The following KBTBD3 variants were observed in gnomAD, a reference collection of about 807,000 sequenced individuals.
KBTBD3 encodes the protein kelch repeat and BTB domain containing 3.
Under a neutral mutation model 49.6 loss-of-function variants are expected in KBTBD3, and 38 were observed. The ratio of observed to expected loss-of-function variants is 0.77; its 90% CI spans 0.59 to 1.00. The LOEUF is 1.00. Ranked by LOEUF, KBTBD3 falls within the 50% of genes least tolerant of loss-of-function variation. KBTBD3 has a pLI of 0.00. For missense variants in KBTBD3, 661 were observed against 712.0 expected, an observed-to-expected ratio of 0.93 and a Z score of 0.81; for synonymous variants, 214 against 250.4, an observed-to-expected ratio of 0.85 and a Z score of 1.37.
chr11:106,051,336 A>G lies in KBTBD3; in HGVS notation c.*1514T>C, dbSNP rs1048260156. ...TAAGAAGGCCACCAATAAATACGTCATCTAATCAGGAACAGTCCTTGATTT... is the reference window on the plus strand; with the variant it reads ...TAAGAAGGCCACCAATAAATACGTCGTCTAATCAGGAACAGTCCTTGATTT... On this transcript the variant is annotated 3_prime_UTR_variant, in exon 4 of 4. Coordinates refer to ENST00000531837, the MANE Select transcript of KBTBD3 (RefSeq NM_198439.3). 1.3e-5 allele frequency: 2 copies of G among 152,016 alleles called. No individual in the cohort carries two copies. Among genetic ancestry groups the G allele is most frequent in the African/African-American group, 4.8e-5 (2 of 41,436 alleles). 9.4% of individuals were successfully genotyped at this position (152,016 alleles called of 1,614,324 possible). A position where few individuals can be genotyped will look rare whatever the true frequency, so the allele number is the denominator to read the frequency against.
At chr11:106,067,779 C>T (rs891313268) in intron 2 of KBTBD3, among the ~76,000 whole-genome samples, 1 of 151,924 alleles carries the variant, frequency 6.6e-6, no homozygotes, top group African/African-American at 2.4e-5. Flanking sequence ...TCAATACTGA[C>T]GTTGCAATAA....
chr11:106,058,063 A>T (rs1860590426), intron 3 of KBTBD3: 1 of 398,418 alleles, frequency 2.5e-6, no homozygotes, highest in African/African-American at 2.1e-5. Flanking sequence ...CTATACGTTA[A>T]AAAAAGGTAG....
chr11:106,054,583 C>G lies in KBTBD3; in HGVS notation c.234-128G>C, dbSNP rs1860515561. 4 of 472,152 alleles carry G rather than the reference C, an allele frequency of 8.5e-6. No homozygotes were observed. The Admixed American group carries it at 1.7e-4, about 20-fold the overall frequency. 29.2% of individuals were successfully genotyped at this position (472,152 alleles called of 1,614,324 possible). The stretch of plus-strand genomic sequence containing the variant: ...TTATAAAAGCATATTTTAATTGCCT[C>G]CTAATTAATATCTAGAATAATTATA... On this transcript the variant is annotated intron_variant, in intron 3 of 3. Coordinates refer to ENST00000531837, the MANE Select transcript of KBTBD3 (RefSeq NM_198439.3).
In KBTBD3 at chr11:106,054,254, T is replaced by C. The variant is rs1052362475; in HGVS notation, c.435A>G (p.Leu145=). 1 of 1,612,014 alleles carries C rather than the reference T, an allele frequency of 6.2e-7. No individual in the cohort carries two copies. The highest frequency in any genetic ancestry group is 8.5e-7 in the Non-Finnish European group (1 of 1,179,006). ...SFLSKACSDF[L]IKSINLVNCL... ...AATTGACAAGATTAATACTTTTTATTAAAAAGTCACTGCAAGCTTTGGATA... is the reference window on the plus strand; with the variant it reads ...AATTGACAAGATTAATACTTTTTATCAAAAAGTCACTGCAAGCTTTGGATA... Residue 145 remains leucine (L), a synonymous_variant, in exon 4 of 4, where the codon TTA becomes TTG. Transcript: ENST00000531837.
chr11:106,054,199 A>G lies in KBTBD3; in HGVS notation c.490T>C (p.Tyr164His). The change falls in exon 4 of 4, where the codon TAT becomes CAT. Residue 164 changes from tyrosine (Y) to histidine (H), a missense_variant. Coordinates refer to ENST00000531837, the MANE Select transcript of KBTBD3 (RefSeq NM_198439.3). ...TGATCAAACAAACTGGTGGAGCCAT[A>G]GCTATCTGATATAGATAATAACTGT... ...CLQLLSISDSYGSTSLFDHAL... is the reference protein window; with the variant it reads ...CLQLLSISDSHGSTSLFDHAL... The G allele has an allele frequency of 6.2e-7, 1 of 1,613,032 alleles. No individual in the cohort carries two copies. The highest frequency in any genetic ancestry group is 8.5e-7 in the Non-Finnish European group (1 of 1,179,412).
intron 2 of KBTBD3, among the ~76,000 whole-genome samples, chr11:106,061,875 G>A (rs1454526571): frequency 1.3e-5 from 2 of 151,466 alleles, no homozygotes; most frequent in South Asian, 2.1e-4. Context: ...ATGTGTGTGT[G>A]TATATATATA....
chr11:106,052,958 A>G lies in KBTBD3; in HGVS notation c.1731T>C (p.Ser577=), dbSNP rs757254824. Residue 577 remains serine, a synonymous_variant, in exon 4 of 4, where the codon TCT becomes TCC. Transcript: ENST00000531837. ...GCATTGGTGAAACTTCTTCCCATTC[A>G]GACCTGTTGCTGTGGTAGACCTGCA... ...DEVQVYHSNR[S]EWEEVSPMPR... 1.2e-6 allele frequency: 2 copies of G among 1,613,766 alleles called. No homozygotes were observed. The highest frequency in any genetic ancestry group is 1.7e-6 in the Non-Finnish European group (2 of 1,179,740).
rs180804083 is a variant in KBTBD3 at position 106,059,838 on chromosome 11, T to A, written c.-12-729A>T. 3.9e-5 allele frequency among the ~76,000 whole-genome samples: 6 copies of A among 152,182 alleles called. No homozygotes were observed. In the East Asian group the frequency reaches 1.2e-3, roughly 29 times the overall value. On this transcript the variant is annotated intron_variant, in intron 2 of 3. Coordinates refer to ENST00000531837, the MANE Select transcript of KBTBD3 (RefSeq NM_198439.3). ...AGTTGCATCATCAAAAGCAAGGAAG[T>A]GGGAAACAGAAAGGAAAAGAGGATT...
intron 2 of KBTBD3, among the ~76,000 whole-genome samples, chr11:106,061,634 C>T (rs1860697645): frequency 6.6e-6 from 1 of 151,994 alleles, no homozygotes; most frequent in Non-Finnish European, 1.5e-5. Flanking sequence ...AGAACTCTTT[C>T]TTTCTGCCTG....
intron 3 of KBTBD3, chr11:106,057,450 A>T (rs981170311): frequency 6.6e-6 from 1 of 152,214 alleles, no homozygotes; most frequent in African/African-American, 2.4e-5. Context: ...AGTTTATTGT[A>T]GTATAACTAG....
At chr11:106,061,874 T>C (rs2040612647) in intron 2 of KBTBD3, among the ~76,000 whole-genome samples, 2 of 151,794 alleles carry the variant, frequency 1.3e-5, no homozygotes, top group South Asian at 4.1e-4. Context: ...TATGTGTGTG[T>C]GTATATATAT....
At chr11:106,065,083 A>C (rs555106567) in intron 2 of KBTBD3, among the ~76,000 whole-genome samples, 150 of 152,350 alleles carry the variant, frequency 9.8e-4, no homozygotes, top group Non-Finnish European at 1.8e-3. Flanking sequence ...CCCATCCTCC[A>C]GGCTATCCAG....
In KBTBD3 at chr11:106,054,063, A is replaced by T; in HGVS notation, c.626T>A (p.Val209Asp). Residue 209 changes from valine (V) to aspartate (D), a missense_variant, in exon 4 of 4, where the codon GTT becomes GAT. By Grantham distance (152) the Val-to-Asp change is radical. Coordinates refer to ENST00000531837, the MANE Select transcript of KBTBD3 (RefSeq NM_198439.3). The part of the protein sequence containing the change: ...QKCLESDELN[V>D]PEEEMVLKVV... ...TTTCAGTACCATTTCTTCTTCAGGA[A>T]CATTTAATTCATCTGATTCCAGACA... 3 of 1,613,654 alleles carry T rather than the reference A, an allele frequency of 1.9e-6. No individual in the cohort carries two copies. Among genetic ancestry groups the T allele is most frequent in the Non-Finnish European group, 2.5e-6 (3 of 1,179,774 alleles).
At chr11:106,055,970 T>A (rs1860543258) in intron 3 of KBTBD3, among the ~76,000 whole-genome samples, 1 of 152,210 alleles carries the variant, frequency 6.6e-6, no homozygotes, top group African/African-American at 2.4e-5. Flanking sequence ...ATCTCCAATT[T>A]ACCATCTTAT....
intron 2 of KBTBD3, among the ~76,000 whole-genome samples, chr11:106,059,630 A>T (rs1020393438): frequency 1.3e-5 from 2 of 152,222 alleles, no homozygotes; most frequent in East Asian, 3.8e-4. Flanking sequence ...TTAATTAGTT[A>T]TGGCTTTAGT....
chr11:106,072,753 C>T (rs1465327970), intron 2 of KBTBD3, among the ~76,000 whole-genome samples: 1 of 152,172 alleles, frequency 6.6e-6, no homozygotes, highest in Non-Finnish European at 1.5e-5. Context: ...ATCTTAGTTT[C>T]GTCACTGATG....
In KBTBD3 at chr11:106,053,951, TAACTG is replaced by T; in HGVS notation, c.733_737del (p.Gln245IlefsTer2). 1 of 1,613,968 alleles carries T rather than the reference TAACTG, an allele frequency of 6.2e-7. No homozygotes were observed. Among genetic ancestry groups the T allele is most frequent in the Non-Finnish European group, 8.5e-7 (1 of 1,179,940 alleles). The stretch of plus-strand genomic sequence containing the variant: ...GACAGTCCTGAAGTGTCTCCTCAGA[TAACTG>T]ATGTAATCTCACTTTTTCAATCAAA... On this transcript the variant is annotated frameshift_variant, in exon 4 of 4. Transcript: ENST00000531837. LOFTEE classifies it high-confidence loss of function.
chr11:106,070,502 C>T lies in KBTBD3; in HGVS notation c.-13+6005G>A, dbSNP rs114174457. 8.8e-3 allele frequency among the ~76,000 whole-genome samples: 1,346 copies of T among 152,126 alleles called. 16 individuals are homozygous for T. Among genetic ancestry groups the T allele is most frequent in the African/African-American group, 0.03 (1,255 of 41,530 alleles). ...AATAAGCACATGAAAAGATGTTCAA[C>T]ATCATTAGTCATTATGGAAATGGAA... On this transcript the variant is annotated intron_variant, in intron 2 of 3. Coordinates refer to ENST00000531837, the MANE Select transcript of KBTBD3 (RefSeq NM_198439.3).
chr11:106,068,149 T>C (rs539547853), intron 2 of KBTBD3, among the ~76,000 whole-genome samples: 246 of 151,868 alleles, frequency 1.6e-3, no homozygotes, highest in Non-Finnish European at 3.2e-3. Context: ...TCCACTATTA[T>C]AGCTGGAGAC....
Sources: gnomAD v4.1 joint callset for allele counts (sites outside exome capture counted in the v4.1 genomes callset) on GRCh38, gnomAD v4.1.1 for gene constraint, MANE v1.5 for transcripts, NCBI Gene and HGNC (gene_info 2026-07-23, HGNC 2026-07-21) for gene names.